CCNY: variants seen among roughly 807,000 people sequenced by gnomAD.
CCNY encodes the protein cyclin Y.
A neutral mutation model predicts 42.8 loss-of-function variants in CCNY; 19 were observed. The ratio of observed to expected loss-of-function variants is 0.44; its 90% confidence interval spans 0.31 to 0.65. The LOEUF (loss-of-function observed/expected upper bound fraction) is 0.65, where lower values mean the gene tolerates loss of function less well. CCNY is among the 30% of genes least tolerant of loss of function. The pLI is 0.07. For synonymous variants in CCNY, 165 were observed against 162.7 expected (o/e 1.01, Z -0.11); for missense variants, 370 against 437.3 (o/e 0.85, Z 1.37).
intron 1 of CCNY, among the ~76,000 whole-genome samples, chr10:35,363,568 T>A (rs1836747436): frequency 6.6e-6 from 1 of 152,084 alleles, no homozygotes; most frequent in South Asian, 2.1e-4. Flanking sequence ...GGGAACTAGA[T>A]GGGAATGGGA....
intron 3 of CCNY, among the ~76,000 whole-genome samples, chr10:35,288,511 A>G (rs2135060624): frequency 6.6e-6 from 1 of 152,232 alleles, no homozygotes; most frequent in South Asian, 2.1e-4. Context: ...AAGTCAATTT[A>G]GTATCATTTT....
chr10:35,284,740 T>A (rs988042742), intron 3 of CCNY, among the ~76,000 whole-genome samples: 4 of 152,152 alleles, frequency 2.6e-5, no homozygotes, highest in Non-Finnish European at 5.9e-5. Flanking sequence ...TTTTCTAATA[T>A]AAGCATCTGA....
chr10:35,368,226 T>C (rs375089135), intron 1 of CCNY, among the ~76,000 whole-genome samples: 1 of 152,214 alleles, frequency 6.6e-6, no homozygotes, highest in African/African-American at 2.4e-5. Context: ...CTGCATGACC[T>C]TCGGTGAGTC....
At chr10:35,337,806 TA>T (rs1589043249) in intron 1 of CCNY, among the ~76,000 whole-genome samples, 2 of 152,170 alleles carry the variant, frequency 1.3e-5, no homozygotes, top group East Asian at 3.8e-4. Flanking sequence ...GAATGCTCTT[TA>T]AAAGATTGTC....
intron 1 of CCNY, among the ~76,000 whole-genome samples, chr10:35,429,956 G>C (rs545343236): frequency 5.3e-5 from 8 of 152,246 alleles, no homozygotes; most frequent in Admixed American, 4.6e-4. Context: ...TGAAATGAAA[G>C]AACAGCTTTG....
At chr10:35,289,732 G>C (rs975903550) in intron 3 of CCNY, among the ~76,000 whole-genome samples, 2 of 151,762 alleles carry the variant, frequency 1.3e-5, no homozygotes, top group East Asian at 1.9e-4. Context: ...ACATTAGCTG[G>C]GCATGGTGGC....
chr10:35,440,201 G>A (rs183733378), intron 1 of CCNY, among the ~76,000 whole-genome samples: 2 of 152,230 alleles, frequency 1.3e-5, no homozygotes, highest in East Asian at 3.9e-4. Flanking sequence ...TCTTTGGACA[G>A]AGAGAGCAGG....
chr10:35,457,062 T>G (rs960901613), intron 1 of CCNY, among the ~76,000 whole-genome samples: 8 of 152,364 alleles, frequency 5.3e-5, no homozygotes, highest in South Asian at 2.1e-4. Context: ...ACATTTTGGT[T>G]TAGCCATCCA....
upstream of CCNY, among the ~76,000 whole-genome samples, chr10:35,332,007 C>A (rs1054642442): frequency 2.6e-5 from 4 of 152,130 alleles, no homozygotes; most frequent in African/African-American, 9.7e-5. Flanking sequence ...AAAATGTTAT[C>A]CAGAAATGAG....
At chr10:35,357,105 C>G (rs1031642080) in intron 1 of CCNY, among the ~76,000 whole-genome samples, 1 of 55,114 alleles carries the variant, frequency 1.8e-5, no homozygotes, top group South Asian at 4.7e-4. Context: ...TTGGGCATCC[C>G]GCATCACCCC....
chr10:35,504,907 G>A (rs1446413599), intron 3 of CCNY, among the ~76,000 whole-genome samples: 1 of 152,114 alleles, frequency 6.6e-6, no homozygotes, highest in East Asian at 1.9e-4. Flanking sequence ...AAAGTGCTGG[G>A]ATTACAAGCA....
At chr10:35,506,977 A>G (rs1840227901) in intron 3 of CCNY, among the ~76,000 whole-genome samples, 1 of 152,188 alleles carries the variant, frequency 6.6e-6, no homozygotes, top group African/African-American at 2.4e-5. Context: ...CATTGCTGCC[A>G]TTCCCAGAGT....
chr10:35,469,352 G>A (rs925762794), intron 1 of CCNY, among the ~76,000 whole-genome samples: 1 of 152,228 alleles, frequency 6.6e-6, no homozygotes, highest in Admixed American at 6.5e-5. Flanking sequence ...TCTGTCTTTA[G>A]TCTTAACATT....
chr10:35,516,729 A>T, intron 4 of CCNY, 106 bp downstream of exon 4: 2 of 684,200 alleles, frequency 2.9e-6, no homozygotes, highest in Non-Finnish European at 4.6e-6. Context: ...CCTGACAGCT[A>T]AGCTGGTTGG....
intron 3 of CCNY, among the ~76,000 whole-genome samples, chr10:35,303,063 T>C (rs1342512811): frequency 6.6e-6 from 1 of 151,970 alleles, no homozygotes; most frequent in African/African-American, 2.4e-5. Context: ...TTACCTGGGA[T>C]GTGTAGTCTC....
intron 1 of CCNY, among the ~76,000 whole-genome samples, chr10:35,346,747 C>T (rs955882543): frequency 7.9e-4 from 121 of 152,318 alleles, no homozygotes; most frequent in African/African-American, 2.8e-3. Context: ...CCACCTCAGC[C>T]TCCTGAGTAG....
chr10:35,397,440 C>T (rs1420587874), intron 1 of CCNY, among the ~76,000 whole-genome samples: 2 of 152,144 alleles, frequency 1.3e-5, no homozygotes, highest in Admixed American at 6.5e-5. Context: ...GGTAGCTTGT[C>T]GCAGACCCTA....
chr10:35,273,301 A>G lies in CCNY; in HGVS notation c.-9+22675A>G, dbSNP rs112493493. ...ACTGCAGCCTCTGCCTCCAGGGTCC[A>G]AGCGATTCTCCAGCCCCAGCCTTCT... On this transcript the variant is annotated intron_variant, in intron 3 of 11. Coordinates refer to the CCNY transcript ENST00000374706. 7.5e-3 allele frequency among the ~76,000 whole-genome samples: 1,147 copies of G among 151,948 alleles called. 16 individuals are homozygous for G. The highest frequency in any genetic ancestry group is 0.027 in the African/African-American group (1,104 of 41,446).
chr10:35,516,657 CTTCCTTTTT>C lies in CCNY; in HGVS notation c.365+37_365+45del. ...ATGGATTTATTTCCTTCCTTCCTTC[CTTCCTTTTT>C]TTTTTTTTTTTTTTTTTTTTTTACT... On this transcript the variant is annotated intron_variant, in intron 4 of 9. Transcript: ENST00000374704. The C allele has an allele frequency of 7.4e-6, 6 of 808,672 alleles. No homozygotes were observed. In the African/African-American group the frequency reaches 7.5e-5, roughly 10 times the overall value. The allele number at this position is 808,672 out of a possible 1,614,324, so 50.1% of individuals were successfully genotyped here. A position where few individuals can be genotyped will look rare whatever the true frequency, so the allele number is the denominator to read the frequency against.
Sources: gnomAD v4.1 joint callset for allele counts (sites outside exome capture counted in the v4.1 genomes callset) on GRCh38, gnomAD v4.1.1 for gene constraint, MANE v1.5 for transcripts, NCBI Gene and HGNC (gene_info 2026-07-23, HGNC 2026-07-21) for gene names.